The following GAK variants were observed in gnomAD, a reference collection of about 807,000 sequenced individuals.
GAK encodes cyclin-G-associated kinase.
In GAK, 79 loss-of-function variants were observed where a neutral mutation model predicts 143.9. That is an observed-to-expected ratio of 0.55 (90% CI 0.46 to 0.66). The LOEUF (loss-of-function observed/expected upper bound fraction) is 0.66, where lower values mean the gene tolerates loss of function less well. GAK is among the 30% of genes least tolerant of loss of function. GAK has a pLI of 0.00. For synonymous variants in GAK, 881 were observed against 765.5 expected, an observed-to-expected ratio of 1.15 and a Z score of -2.49; for missense variants, 1,693 against 1,779.7, an observed-to-expected ratio of 0.95 and a Z score of 0.88.
chr4:924,792 T>C (rs1724441992), intron 1 of GAK, among the ~76,000 whole-genome samples: 1 of 151,078 alleles, frequency 6.6e-6, no homozygotes, highest in Non-Finnish European at 1.5e-5. Flanking sequence ...TAGTGAGTGC[T>C]CTCCTGTGAG....
intron 22 of GAK, among the ~76,000 whole-genome samples, chr4:865,497 C>T (rs1577073729): frequency 6.6e-6 from 1 of 151,930 alleles, no homozygotes; most frequent in Admixed American, 6.5e-5. Flanking sequence ...CAAGCATCTG[C>T]GCATTCCCAT....
intron 24 of GAK, 67 bp from the exon 25 acceptor site, chr4:852,041 C>T (rs895674047): frequency 1.1e-5 from 14 of 1,295,256 alleles, no homozygotes; most frequent in South Asian, 4.9e-5. Flanking sequence ...GTTTCTATAA[C>T]GCAGAGCACC....
At chr4:876,908 C>T (rs1577122603) in intron 17 of GAK, among the ~76,000 whole-genome samples, 182 bp downstream of exon 17, 1 of 152,236 alleles carries the variant, frequency 6.6e-6, no homozygotes. Context: ...GAGATCCTGC[C>T]GCGTCAAGTG....
intron 7 of GAK, 63 bp from the exon 8 acceptor site, chr4:894,072 G>A: frequency 2.7e-6 from 4 of 1,460,248 alleles, no homozygotes; most frequent in Non-Finnish European, 3.6e-6. Flanking sequence ...GCCTGGGCCT[G>A]CGGGGAGAGC....
At chr4:896,720 G>A (rs372427067) in intron 6 of GAK, among the ~76,000 whole-genome samples, 171 bp from the exon 7 acceptor site, 5 of 152,258 alleles carry the variant, frequency 3.3e-5, no homozygotes, top group Admixed American at 2.0e-4. Context: ...CACCAGCTCC[G>A]CTGCTCATCT....
chr4:920,087 G>A (rs564196382), intron 1 of GAK, among the ~76,000 whole-genome samples: 127 of 152,028 alleles, frequency 8.4e-4, no homozygotes, highest in Non-Finnish European at 1.3e-3. Flanking sequence ...TGAGGAGGGC[G>A]GATCACAAGG....
intron 12 of GAK, 140 bp from the exon 13 acceptor site, chr4:883,603 C>T: frequency 2.1e-6 from 2 of 941,494 alleles, no homozygotes; most frequent in Non-Finnish European, 3.3e-6. Context: ...CACAGCCGGC[C>T]CCCTCACCCT....
At position 879,255 on chromosome 4, in the gene GAK, T is replaced by G. The variant is rs374316719; in HGVS notation, c.1662-1446A>C. The stretch of plus-strand genomic sequence containing the variant: ...GCCTCCGTGCTGAAAGAGGACTTCC[T>G]GCAGTGTATGGCCGAGCTGTGCGTT... On this transcript the variant is annotated intron_variant, in intron 15 of 27. Coordinates refer to ENST00000314167, the MANE Select transcript of GAK (RefSeq NM_005255.4). Among the ~76,000 whole-genome samples the G allele has an allele frequency of 1.2e-4, 18 of 152,340 alleles. No homozygotes were observed. The East Asian group carries it at 3.5e-3, about 29-fold the overall frequency.
At chr4:884,776 G>A (rs551913658) in intron 11 of GAK, among the ~76,000 whole-genome samples, 1 of 152,246 alleles carries the variant, frequency 6.6e-6, no homozygotes, top group Non-Finnish European at 1.5e-5. Flanking sequence ...GCAGAAGGGA[G>A]CCTCCCTCCC....
intron 23 of GAK, among the ~76,000 whole-genome samples, chr4:860,047 A>C (rs185445731): frequency 7.9e-5 from 12 of 152,348 alleles, no homozygotes; most frequent in Admixed American, 7.8e-4. Context: ...GATACTCTTT[A>C]TAATAGCATA....
intron 5 of GAK, among the ~76,000 whole-genome samples, chr4:900,074 G>C (rs1031373876): frequency 6.6e-5 from 10 of 152,288 alleles, no homozygotes; most frequent in Non-Finnish European, 1.3e-4. Flanking sequence ...CACACAGCGG[G>C]GAGATGCAGT....
At chr4:912,551 A>AC in intron 3 of GAK, 184 bp downstream of exon 3, 2 of 539,756 alleles carry the variant, frequency 3.7e-6, no homozygotes, top group South Asian at 2.5e-5. Context: ...TAAAAAAAAA[A>AC]CAGAAAAAAC....
chr4:915,833 T>C (rs1723024691), intron 1 of GAK: 1 of 152,204 alleles, frequency 6.6e-6, no homozygotes, highest in African/African-American at 2.4e-5. Context: ...TCACCACTGA[T>C]GGTCGACACT....
intron 24 of GAK, among the ~76,000 whole-genome samples, chr4:856,733 C>G (rs1291921149): frequency 6.6e-6 from 1 of 152,242 alleles, no homozygotes; most frequent in African/African-American, 2.4e-5. Context: ...CTCACCACAG[C>G]TGCTCACCAC....
chr4:869,347 ACAC>A (rs1436229972), intron 19 of GAK: 1 of 151,434 alleles, frequency 6.6e-6, no homozygotes, highest in East Asian at 2.0e-4. Flanking sequence ...ACGAATGCAC[ACAC>A]AGCACATACA....
rs902087333 is a variant in GAK, at chr4:867,023, C to T, written c.2805G>A (p.Leu935=). 1 of 1,503,460 alleles carries T rather than the reference C, an allele frequency of 6.7e-7. No homozygotes were observed. Among genetic ancestry groups the T allele is most frequent in the Non-Finnish European group, 8.9e-7 (1 of 1,126,686 alleles). The allele number at this position is 1,503,460 out of a possible 1,614,324, so 93.1% of individuals were successfully genotyped here. The change falls in exon 21 of 28, where the codon CTG becomes CTA. Residue 935 remains leucine (L), a synonymous_variant. Coordinates refer to ENST00000314167, the MANE Select transcript of GAK (RefSeq NM_005255.4). The part of the protein sequence containing the change: ...PPEDLLSEDP[L]LLASPAPPLS... ...GGGGAGGGGCCGGGCTTGCCAGGAGCAGCGGGTCCTCGCTGAGCAGATCCT... is the reference window on the plus strand; with the variant it reads ...GGGGAGGGGCCGGGCTTGCCAGGAGTAGCGGGTCCTCGCTGAGCAGATCCT...
intron 24 of GAK, among the ~76,000 whole-genome samples, chr4:856,846 G>C (rs1018370182): frequency 3.3e-5 from 5 of 152,230 alleles, no homozygotes; most frequent in African/African-American, 1.2e-4. Flanking sequence ...AGAGCACTGG[G>C]GTTACGGTGT....
intron 1 of GAK, among the ~76,000 whole-genome samples, chr4:923,915 T>A (rs1724278528): frequency 6.6e-6 from 1 of 152,160 alleles, no homozygotes; most frequent in African/African-American, 2.4e-5. Flanking sequence ...CCAGGCGCCG[T>A]GGCTCATGCC....
chr4:881,504 G>T (rs1000756967), intron 15 of GAK, among the ~76,000 whole-genome samples: 20 of 152,248 alleles, frequency 1.3e-4, no homozygotes, highest in African/African-American at 4.8e-4. Flanking sequence ...ACAGAAGCCT[G>T]TATTTGGCAG....
Sources: gnomAD v4.1 joint callset for allele counts (sites outside exome capture counted in the v4.1 genomes callset) on GRCh38, gnomAD v4.1.1 for gene constraint, MANE v1.5 for transcripts, NCBI Gene and HGNC (gene_info 2026-07-23, HGNC 2026-07-21) for gene names.